ELP3: variants seen among roughly 807,000 people sequenced by gnomAD.
ELP3 encodes elongator complex protein 3.
In ELP3, 56 loss-of-function variants were observed where a neutral mutation model predicts 74.9. That is an observed-to-expected ratio of 0.75 (90% CI 0.60 to 0.93). The LOEUF is 0.93. Ranked by LOEUF, ELP3 falls within the 40% of genes least tolerant of loss-of-function variation. The pLI, the probability that ELP3 is intolerant of heterozygous loss-of-function variation, is 0.00. For missense variants in ELP3, 573 were observed against 686.5 expected (o/e 0.83, Z 1.85); for synonymous variants, 222 against 239.8 (o/e 0.93, Z 0.68).
chr8:28,097,920 AACTAGTAATTGGCAG>A (rs1417944943), intron 2 of ELP3, among the ~76,000 whole-genome samples: 1 of 152,210 alleles, frequency 6.6e-6, no homozygotes, highest in Non-Finnish European at 1.5e-5. Context: ...AGGGGTAAGT[AACTAGTAATTGGCAG>A]AGCTGGGATT....
intron 4 of ELP3, 119 bp from the exon 5 acceptor site, chr8:28,107,794 A>G: frequency 1.4e-6 from 1 of 708,998 alleles, no homozygotes; most frequent in Non-Finnish European, 2.4e-6. Context: ...TTCTTCTGTT[A>G]GGATTTGAAA....
At chr8:28,159,277 G>A (rs1312999742) in intron 12 of ELP3, among the ~76,000 whole-genome samples, 7 of 152,170 alleles carry the variant, frequency 4.6e-5, no homozygotes, top group Admixed American at 4.6e-4. Context: ...GAGAAAGGCT[G>A]GAATAGATGA....
upstream of ELP3, among the ~76,000 whole-genome samples, chr8:28,091,559 T>C (rs910524438): frequency 6.6e-6 from 1 of 152,222 alleles, no homozygotes; most frequent in Non-Finnish European, 1.5e-5. Flanking sequence ...GTTGCCTCAA[T>C]TCTAGTAGGG....
chr8:28,158,574 G>C lies in ELP3; in HGVS notation c.1198G>C (p.Asp400His). The C allele has an allele frequency of 6.2e-7, 1 of 1,610,042 alleles. No homozygotes were observed. The highest frequency in any genetic ancestry group is 8.5e-7 in the Non-Finnish European group (1 of 1,178,362). Reference protein sequence around the residue: ...RMKDLGIQCRDVRTREVGIQE... With the variant: ...RMKDLGIQCRHVRTREVGIQE... ...CGCCATTTTTTTTTGACAGTGTCGAGATGTGAGAACCAGAGAAGTTGGAAT... is the reference window on the plus strand; with the variant it reads ...CGCCATTTTTTTTTGACAGTGTCGACATGTGAGAACCAGAGAAGTTGGAAT... The change falls in exon 12 of 15, where the codon GAT becomes CAT. Residue 400 changes from aspartate to histidine, a missense_variant. Physicochemically the swap from Asp to His is moderately conservative, Grantham distance 81. Coordinates refer to ENST00000256398, the MANE Select transcript of ELP3 (RefSeq NM_018091.6).
chr8:28,101,993 CCT>C (rs1811508834), intron 3 of ELP3, among the ~76,000 whole-genome samples: 1 of 152,172 alleles, frequency 6.6e-6, no homozygotes, highest in South Asian at 2.1e-4. Flanking sequence ...GTGATACCAC[CCT>C]CTCTGTTTCT....
rs1385073095 is a variant in ELP3, at chr8:28,189,654, G to A, written c.1573G>A (p.Gly525Ser). The change falls in exon 15 of 15, where the codon GGC (glycine) becomes AGC (serine). Residue 525 changes from glycine to serine, a missense_variant. By Grantham distance (56) the Gly-to-Ser change is moderately conservative. Coordinates refer to ENST00000256398, the MANE Select transcript of ELP3 (RefSeq NM_018091.6). ...TAACTTCGATTTTTCTGCAGGGGTC[G>A]GCACCAGGAATTATTATAGAAAGAT... ...SGKIAVISGV[G>S]TRNYYRKIGY... 11 of 1,613,812 alleles carry A rather than the reference G, an allele frequency of 6.8e-6. No individual in the cohort carries two copies. The highest frequency in any genetic ancestry group is 8.5e-6 in the Non-Finnish European group (10 of 1,179,934).
chr8:28,102,661 C>A (rs948161605), intron 3 of ELP3, among the ~76,000 whole-genome samples: 5 of 152,156 alleles, frequency 3.3e-5, no homozygotes, highest in Non-Finnish European at 7.3e-5. Flanking sequence ...CCTCTAGCAC[C>A]TTCACCCCTA....
chr8:28,151,705 T>C (rs1813648321), intron 10 of ELP3, among the ~76,000 whole-genome samples: 1 of 152,138 alleles, frequency 6.6e-6, no homozygotes, highest in Non-Finnish European at 1.5e-5. Flanking sequence ...ACAGGATGAC[T>C]AGAGTGGGCA....
chr8:28,090,903 CCTTTTTTT>C (rs1402816944), upstream of ELP3, among the ~76,000 whole-genome samples: 13 of 53,150 alleles, frequency 2.4e-4, no homozygotes, highest in African/African-American at 9.8e-4. Flanking sequence ...GTAAATGTTT[CCTTTTTTT>C]TTTTTTTTTT....
chr8:28,095,192 A>G (rs112812826), intron 1 of ELP3, among the ~76,000 whole-genome samples: 145 of 152,268 alleles, frequency 9.5e-4, no homozygotes, highest in African/African-American at 8.4e-4. Context: ...ATCTTGCCCT[A>G]TCTTTAAAGA....
In ELP3 at chr8:28,120,962, A is replaced by C. The variant is rs534391181; in HGVS notation, c.617+7789A>C. 3.9e-5 allele frequency among the ~76,000 whole-genome samples: 6 copies of C among 152,364 alleles called. No homozygotes were observed. In the South Asian group the frequency reaches 1.2e-3, roughly 32 times the overall value. On this transcript the variant is annotated intron_variant, in intron 7 of 14. Transcript: ENST00000256398. ...TTTTTAGTGTATCTTGAAGTCAAGT[A>C]ATATGAGTCTTCTAACTTTGTAATT... is the stretch of plus-strand genomic sequence containing the variant.
At chr8:28,169,612 A>G (rs1283421274) in intron 14 of ELP3, among the ~76,000 whole-genome samples, 1 of 152,230 alleles carries the variant, frequency 6.6e-6, no homozygotes, top group Non-Finnish European at 1.5e-5. Context: ...TAGAATGTCT[A>G]TATTAGTTAT....
At chr8:28,116,480 C>T (rs1437887244) in intron 7 of ELP3, among the ~76,000 whole-genome samples, 1 of 152,238 alleles carries the variant, frequency 6.6e-6, no homozygotes, top group African/African-American at 2.4e-5. Flanking sequence ...TGGCTCACGC[C>T]TGTAATCCCA....
intron 14 of ELP3, among the ~76,000 whole-genome samples, chr8:28,172,697 C>A (rs1814578757): frequency 6.6e-6 from 1 of 152,030 alleles, no homozygotes; most frequent in Non-Finnish European, 1.5e-5. Context: ...TGAAAATGGG[C>A]AACCTTATCT....
At chr8:28,108,457 C>CTTTTTTTT (rs33948469) in intron 5 of ELP3, among the ~76,000 whole-genome samples, 3 of 117,572 alleles carry the variant, frequency 2.6e-5, no homozygotes, top group African/African-American at 3.3e-5. Flanking sequence ...ATTTTTTTTT[C>CTTTTTTTT]TTTTTTTTTT....
upstream of ELP3, chr8:28,092,992 G>C: frequency 1.4e-6 from 1 of 693,240 alleles, no homozygotes; most frequent in East Asian, 2.7e-5. Flanking sequence ...GAGACCCGGG[G>C]CAGGATCGCA....
intron 9 of ELP3, 118 bp downstream of exon 9, chr8:28,132,522 A>C: frequency 7.7e-7 from 1 of 1,303,500 alleles, no homozygotes; most frequent in Non-Finnish European, 1.1e-6. Flanking sequence ...CATCCTTATT[A>C]TAGAATATTA....
chr8:28,140,068 C>T (rs1469427113), intron 10 of ELP3, among the ~76,000 whole-genome samples: 1 of 151,540 alleles, frequency 6.6e-6, no homozygotes, highest in Non-Finnish European at 1.5e-5. Context: ...CTTTGGGAGT[C>T]CTAGAACCAA....
intron 3 of ELP3, among the ~76,000 whole-genome samples, chr8:28,100,947 T>C: frequency 6.6e-6 from 1 of 152,198 alleles, no homozygotes; most frequent in Non-Finnish European, 1.5e-5. Context: ...GTTATTTGAA[T>C]TGGGATATTA....
Sources: allele counts gnomAD v4.1 joint callset (sites outside exome capture counted in the v4.1 genomes callset), GRCh38; gene constraint gnomAD v4.1.1; transcripts MANE v1.5; gene names NCBI Gene and HGNC (gene_info 2026-07-23, HGNC 2026-07-21).